Variants in DLG2 observed in about 807,000 individuals in gnomAD.
DLG2 encodes the protein discs large MAGUK scaffold protein 2.
A neutral mutation model predicts 132.5 loss-of-function variants in DLG2; 45 were observed. That is an observed-to-expected ratio of 0.34 (90% CI 0.27 to 0.44). The LOEUF is 0.44. DLG2 is among the 20% of genes least tolerant of loss of function. The pLI, the probability that DLG2 is intolerant of heterozygous loss-of-function variation, is 1.00. For synonymous variants in DLG2, 424 were observed against 419.6 expected (o/e 1.01, Z -0.13); for missense variants, 1,045 against 1,196.9 (o/e 0.87, Z 1.87).
At chr11:84,640,409 C>A in intron 6 of DLG2, 2 of 412,758 alleles carry the variant, frequency 4.8e-6, no homozygotes, top group Admixed American at 3.5e-5. Context: ...AAGCCCAGAA[C>A]GATGAATTAA....
At chr11:84,803,531 GCAGGCAGTGATTTAGACT>G (rs1249449467) in intron 6 of DLG2, among the ~76,000 whole-genome samples, 3 of 152,152 alleles carry the variant, frequency 2.0e-5, no homozygotes, top group African/African-American at 7.2e-5. Flanking sequence ...GAGCACATGG[GCAGGCAGTGATTTAGACT>G]CAGGGTTCTA....
At chr11:84,267,091 G>A (rs907955898) in intron 7 of DLG2, among the ~76,000 whole-genome samples, 2 of 152,154 alleles carry the variant, frequency 1.3e-5, no homozygotes, top group South Asian at 2.1e-4. Context: ...GTGGGATTAC[G>A]GTTGGAAGAC....
chr11:83,878,669 C>A (rs2065377489), intron 15 of DLG2, among the ~76,000 whole-genome samples: 1 of 152,070 alleles, frequency 6.6e-6, no homozygotes, highest in Non-Finnish European at 1.5e-5. Context: ...TCTGTCCCAC[C>A]CACACCACCT....
chr11:84,110,906 C>T (rs1003636790), intron 9 of DLG2, among the ~76,000 whole-genome samples: 27 of 152,186 alleles, frequency 1.8e-4, no homozygotes, highest in South Asian at 8.3e-4. Flanking sequence ...TTGTAAACTG[C>T]TCACCATTCA....
At chr11:84,944,152 A>G (rs892260068) in intron 6 of DLG2, among the ~76,000 whole-genome samples, 1 of 151,646 alleles carries the variant, frequency 6.6e-6, no homozygotes, top group African/African-American at 2.4e-5. Flanking sequence ...TGCTTTTAGG[A>G]TCCTTTCTTT....
chr11:84,356,139 G>T (rs1311289475), intron 7 of DLG2, among the ~76,000 whole-genome samples: 1 of 152,108 alleles, frequency 6.6e-6, no homozygotes. Flanking sequence ...TTCAGACTCA[G>T]TTTTTGTTTG....
chr11:84,424,137 A>C (rs909565448), intron 7 of DLG2, among the ~76,000 whole-genome samples: 6 of 152,106 alleles, frequency 3.9e-5, no homozygotes, highest in African/African-American at 1.2e-4. Flanking sequence ...CAAGTTAATG[A>C]CTCAACAATC....
chr11:84,429,367 G>T (rs188011872), intron 7 of DLG2, among the ~76,000 whole-genome samples: 1 of 152,268 alleles, frequency 6.6e-6, no homozygotes, highest in African/African-American at 2.4e-5. Flanking sequence ...GCCCATGAAA[G>T]CTTGGACACT....
intron 3 of DLG2, among the ~76,000 whole-genome samples, chr11:85,590,640 T>C (rs1298430120): frequency 6.6e-6 from 1 of 151,134 alleles, no homozygotes; most frequent in Non-Finnish European, 1.5e-5. Context: ...ATATTCTCTC[T>C]CTCTCTCTCT....
intron 7 of DLG2, among the ~76,000 whole-genome samples, chr11:84,443,289 AT>A (rs530305991): frequency 1.3e-3 from 204 of 152,298 alleles, no homozygotes; most frequent in African/African-American, 4.6e-3. Flanking sequence ...ATTCAGATTA[AT>A]TTTTTAAGAA....
chr11:84,716,270 T>A (rs868123569), intron 6 of DLG2, among the ~76,000 whole-genome samples: 1 of 152,106 alleles, frequency 6.6e-6, no homozygotes. Context: ...CATATTTCAA[T>A]TACATCTTCC....
At chr11:85,363,656 T>C (rs1014193600) in intron 3 of DLG2, among the ~76,000 whole-genome samples, 7 of 152,192 alleles carry the variant, frequency 4.6e-5, no homozygotes, top group South Asian at 4.1e-4. Context: ...GAATGGTAAA[T>C]ACATTTCAAA....
At chr11:85,422,577 T>C (rs1279255663) in intron 3 of DLG2, among the ~76,000 whole-genome samples, 2 of 152,058 alleles carry the variant, frequency 1.3e-5, no homozygotes, top group African/African-American at 2.4e-5. Flanking sequence ...TTTCTTTGTT[T>C]CTTTGTTTTT....
intron 4 of DLG2, among the ~76,000 whole-genome samples, chr11:85,194,636 T>C (rs1377669838): frequency 1.5e-5 from 2 of 133,468 alleles, no homozygotes; most frequent in Non-Finnish European, 3.1e-5. Flanking sequence ...TCAAGCAGAA[T>C]AGAAAGAGTA....
rs535089347 is a variant in DLG2, at chr11:83,629,350, A to G, written c.1940+3861T>C. Among the ~76,000 whole-genome samples the G allele has an allele frequency of 8.9e-4, 135 of 152,276 alleles. 1 individual carries two copies. Among genetic ancestry groups the G allele is most frequent in the Non-Finnish European group, 1.5e-3 (105 of 68,018 alleles). On this transcript the variant is annotated intron_variant, in intron 19 of 27. Coordinates refer to ENST00000376104, the MANE Select transcript of DLG2 (RefSeq NM_001142699.3). The stretch of plus-strand genomic sequence containing the variant: ...TCTTAAATCCACATTCAAAACTCAG[A>G]GGTTATTTGCTTGAACTCTGAAAAT...
At chr11:83,742,933 A>C (rs894353661) in intron 18 of DLG2, among the ~76,000 whole-genome samples, 10 of 152,246 alleles carry the variant, frequency 6.6e-5, no homozygotes, top group African/African-American at 2.4e-4. Flanking sequence ...GCTGCTTTAA[A>C]GTACCATATA....
At chr11:84,861,960 C>G (rs904185851) in intron 6 of DLG2, among the ~76,000 whole-genome samples, 10 of 146,110 alleles carry the variant, frequency 6.8e-5, no homozygotes, top group African/African-American at 2.5e-4. Flanking sequence ...ACCGCATATT[C>G]TCACTCACAG....
rs756988757 is a variant in DLG2, at chr11:83,541,869, G to A, written c.1941-11C>T. 1.2e-5 allele frequency: 19 copies of A among 1,578,138 alleles called. No individual in the cohort carries two copies. Among genetic ancestry groups the A allele is most frequent in the South Asian group, 9.3e-5 (8 of 85,714 alleles). ...TAGTCGAACATGGCTCTGGAGGAAA[G>A]GACAAAAGAGGACATTGTTAGGAAT... is the stretch of plus-strand genomic sequence containing the variant. On this transcript the variant is annotated splice_polypyrimidine_tract_variant and intron_variant, in intron 19 of 27. Transcript: ENST00000376104.
intron 6 of DLG2, among the ~76,000 whole-genome samples, chr11:85,100,166 G>GT (rs1160588388): frequency 6.6e-6 from 1 of 152,070 alleles, no homozygotes; most frequent in Non-Finnish European, 1.5e-5. Flanking sequence ...ACTATCTGAG[G>GT]TAAGTGGAAG....
Sources: allele counts gnomAD v4.1 joint callset (sites outside exome capture counted in the v4.1 genomes callset), GRCh38; gene constraint gnomAD v4.1.1; transcripts MANE v1.5; gene names NCBI Gene and HGNC (gene_info 2026-07-23, HGNC 2026-07-21).